Variants in SLC9A9 observed in about 807,000 individuals in gnomAD.
SLC9A9 encodes sodium/hydrogen exchanger 9.
A neutral mutation model predicts 77.8 loss-of-function variants in SLC9A9; 62 were observed. The ratio of observed to expected loss-of-function variants is 0.80; its 90% CI spans 0.65 to 0.98. SLC9A9 has a LOEUF of 0.98. Among genes scored for constraint, SLC9A9 ranks in the 50% least tolerant of loss-of-function variants. SLC9A9 has a pLI of 0.00. For synonymous variants in SLC9A9, 320 were observed against 283.5 expected, an observed-to-expected ratio of 1.13 and a Z score of -1.29; for missense variants, 775 against 774.9, an observed-to-expected ratio of 1.00 and a Z score of 0.00.
At chr3:143,686,996 C>T (rs1362529276) in intron 5 of SLC9A9, among the ~76,000 whole-genome samples, 1 of 152,124 alleles carries the variant, frequency 6.6e-6, no homozygotes, top group African/African-American at 2.4e-5. Flanking sequence ...TTTCCATATA[C>T]TGTCTCTTTG....
At chr3:143,319,646 GTAT>G (rs2031345938) in intron 14 of SLC9A9, among the ~76,000 whole-genome samples, 1 of 152,192 alleles carries the variant, frequency 6.6e-6, no homozygotes, top group Non-Finnish European at 1.5e-5. Flanking sequence ...AACTCCCAGT[GTAT>G]TATTATCATT....
chr3:143,694,866 T>C (rs1933582303), intron 4 of SLC9A9, among the ~76,000 whole-genome samples: 1 of 152,146 alleles, frequency 6.6e-6, no homozygotes, highest in African/African-American at 2.4e-5. Context: ...TAGAAATAAT[T>C]CTACCCTCTG....
At chr3:143,708,590 T>C (rs890716136) in intron 4 of SLC9A9, among the ~76,000 whole-genome samples, 1 of 152,238 alleles carries the variant, frequency 6.6e-6, no homozygotes, top group Non-Finnish European at 1.5e-5. Flanking sequence ...CCCCAGTCTC[T>C]ATTCACTGAC....
intron 8 of SLC9A9, among the ~76,000 whole-genome samples, chr3:143,555,373 C>T (rs4839642): frequency 0.11 from 16,978 of 152,106 alleles, 1,165 homozygotes; most frequent in East Asian, 0.15. Context: ...TGAAAATAGA[C>T]GAATACACTG....
At chr3:143,300,800 CTT>C (rs1174055025) in intron 14 of SLC9A9, among the ~76,000 whole-genome samples, 2 of 152,186 alleles carry the variant, frequency 1.3e-5, no homozygotes, top group East Asian at 3.8e-4. Context: ...TTAAAGCACT[CTT>C]TAGTAAAACA....
chr3:143,332,377 A>T (rs904750083), intron 14 of SLC9A9, among the ~76,000 whole-genome samples: 2 of 152,240 alleles, frequency 1.3e-5, no homozygotes, highest in Non-Finnish European at 2.9e-5. Context: ...CAAAGGAAGC[A>T]AAGATTTTTA....
At chr3:143,330,920 T>G (rs963743830) in intron 14 of SLC9A9, among the ~76,000 whole-genome samples, 1 of 152,222 alleles carries the variant, frequency 6.6e-6, no homozygotes, top group Non-Finnish European at 1.5e-5. Flanking sequence ...AGAGCCAAAA[T>G]AGTTTCTGCT....
intron 14 of SLC9A9, among the ~76,000 whole-genome samples, chr3:143,351,840 T>A (rs528888014): frequency 6.6e-6 from 1 of 152,288 alleles, no homozygotes; most frequent in East Asian, 1.9e-4. Flanking sequence ...AAGCACTTGA[T>A]GTTTGCAAAG....
At chr3:143,602,189 C>G (rs947054129) in intron 6 of SLC9A9, among the ~76,000 whole-genome samples, 1 of 152,158 alleles carries the variant, frequency 6.6e-6, no homozygotes, top group African/African-American at 2.4e-5. Context: ...GAGTTAGAGG[C>G]GAGCAGGGCT....
intron 12 of SLC9A9, among the ~76,000 whole-genome samples, chr3:143,401,016 T>A (rs2033843543): frequency 6.6e-6 from 1 of 152,190 alleles, no homozygotes; most frequent in Admixed American, 6.5e-5. Flanking sequence ...TTTTTCATTT[T>A]TCCCTCTACA....
chr3:143,785,845 CTTTTTTTTTTTTTTTT>C (rs57552730), intron 4 of SLC9A9, among the ~76,000 whole-genome samples: 1 of 112,992 alleles, frequency 8.9e-6, no homozygotes, highest in Non-Finnish European at 1.9e-5. Flanking sequence ...TTGAATTTTT[CTTTTTTTTTTTTTTTT>C]TTTTTTTTTT....
At chr3:143,700,770 G>A (rs1933774557) in intron 4 of SLC9A9, among the ~76,000 whole-genome samples, 1 of 152,246 alleles carries the variant, frequency 6.6e-6, no homozygotes, top group Non-Finnish European at 1.5e-5. Flanking sequence ...ATACAAGACT[G>A]GCTGGCTTTT....
At chr3:143,393,934 G>A (rs1338753861) in intron 12 of SLC9A9, among the ~76,000 whole-genome samples, 5 of 151,916 alleles carry the variant, frequency 3.3e-5, no homozygotes, top group Admixed American at 2.6e-4. Flanking sequence ...ACCAATATGA[G>A]GCTCTGAAAT....
intron 5 of SLC9A9, among the ~76,000 whole-genome samples, chr3:143,659,731 G>A (rs144352591): frequency 0.015 from 2,250 of 152,290 alleles, 47 homozygotes; most frequent in African/African-American, 0.05. Flanking sequence ...ATATGAATAT[G>A]TTGCCTTGCA....
chr3:143,567,847 T>C (rs1157597980), intron 8 of SLC9A9, among the ~76,000 whole-genome samples: 3 of 152,182 alleles, frequency 2.0e-5, no homozygotes, highest in Non-Finnish European at 2.9e-5. Flanking sequence ...AAACTGTCTT[T>C]AAAAGCTTGA....
chr3:143,723,432 T>C (rs766068912), intron 4 of SLC9A9, among the ~76,000 whole-genome samples: 15 of 152,122 alleles, frequency 9.9e-5, no homozygotes, highest in Non-Finnish European at 1.9e-4. Flanking sequence ...AGGATGGTGA[T>C]GGATAGCACC....
At chr3:143,800,794 C>G (rs556449932) in intron 2 of SLC9A9, among the ~76,000 whole-genome samples, 1 of 152,190 alleles carries the variant, frequency 6.6e-6, no homozygotes, top group African/African-American at 2.4e-5. Flanking sequence ...TAACAAGACA[C>G]CCTCCTGCTC....
intron 12 of SLC9A9, among the ~76,000 whole-genome samples, chr3:143,401,125 G>A (rs1463134820): frequency 6.6e-6 from 1 of 152,158 alleles, no homozygotes. Flanking sequence ...GTCTTGAATA[G>A]GTTTAGCCAA....
intron 2 of SLC9A9, among the ~76,000 whole-genome samples, chr3:143,831,011 T>C (rs2009421085): frequency 6.6e-6 from 1 of 152,144 alleles, no homozygotes; most frequent in Admixed American, 6.6e-5. Context: ...AAAAATGTGC[T>C]AGTGGAAGAT....
Sources: allele counts gnomAD v4.1 joint callset (sites outside exome capture counted in the v4.1 genomes callset), GRCh38; gene constraint gnomAD v4.1.1; transcripts MANE v1.5; gene names NCBI Gene and HGNC (gene_info 2026-07-23, HGNC 2026-07-21).